Variants in CADPS observed in about 807,000 individuals in gnomAD.
CADPS encodes calcium dependent secretion activator, also known as calcium-dependent secretion activator 1.
Under a neutral mutation model 167.3 loss-of-function variants are expected in CADPS, and 57 were observed. That is an observed-to-expected ratio of 0.34 (90% CI 0.28 to 0.42). The LOEUF (loss-of-function observed/expected upper bound fraction) is 0.42. Ranked by LOEUF, CADPS falls within the 20% of genes least tolerant of loss-of-function variation. The pLI is 1.00. For synonymous variants in CADPS, 676 were observed against 635.3 expected (o/e 1.06, Z -0.96); for missense variants, 1,414 against 1,738.1 (o/e 0.81, Z 3.32).
chr3:62,664,899 G>A (rs574894427), intron 3 of CADPS, among the ~76,000 whole-genome samples: 1 of 152,190 alleles, frequency 6.6e-6, no homozygotes, highest in African/African-American at 2.4e-5. Context: ...TCTACATTAA[G>A]CTTAATTTAT....
At chr3:62,762,431 T>G (rs911450652) in intron 2 of CADPS, among the ~76,000 whole-genome samples, 1 of 151,792 alleles carries the variant, frequency 6.6e-6, no homozygotes, top group Admixed American at 6.6e-5. Context: ...CCAATGCGGG[T>G]GGATCACTTG....
At position 62,768,505 on chromosome 3, in the gene CADPS, G is replaced by A. The variant is rs191984855; in HGVS notation, c.442-2521C>T. On this transcript the variant is annotated intron_variant, in intron 1 of 29. Transcript: ENST00000383710. ...TTGACCCAGGCCAAATCTATTATCTGTCTAACCTTTCCTTAAATAAGCATG... is the reference window on the plus strand; with the variant it reads ...TTGACCCAGGCCAAATCTATTATCTATCTAACCTTTCCTTAAATAAGCATG... Among the ~76,000 whole-genome samples, 264 of 152,250 alleles carry A rather than the reference G, an allele frequency of 1.7e-3. 1 individual carries two copies. The highest frequency in any genetic ancestry group is 3.4e-3 in the Admixed American group (52 of 15,286).
At chr3:62,726,720 A>C (rs534924858) in intron 3 of CADPS, among the ~76,000 whole-genome samples, 1 of 151,968 alleles carries the variant, frequency 6.6e-6, no homozygotes, top group African/African-American at 2.4e-5. Flanking sequence ...AGGAAGCAAA[A>C]ACACTATTTA....
chr3:62,647,476 C>T (rs374981016), intron 5 of CADPS, among the ~76,000 whole-genome samples: 21 of 152,218 alleles, frequency 1.4e-4, no homozygotes, highest in Middle Eastern at 3.4e-3. Flanking sequence ...TGCTGCTGAC[C>T]CAGAAGCCAT....
intron 13 of CADPS, 73 bp from the exon 14 acceptor site, chr3:62,518,323 G>A: frequency 8.9e-7 from 1 of 1,117,414 alleles, no homozygotes; most frequent in South Asian, 1.3e-5. Context: ...TCTAGCAGGA[G>A]GAAACTGTCC....
At chr3:62,417,657 T>C (rs2050414402) in intron 28 of CADPS, among the ~76,000 whole-genome samples, 2 of 151,970 alleles carry the variant, frequency 1.3e-5, no homozygotes, top group South Asian at 4.1e-4. Context: ...TTGAATCTGA[T>C]TTGGAAAAAA....
rs546729773 is a variant in CADPS, at chr3:62,602,597, C to T, written c.1326-9849G>A. Among the ~76,000 whole-genome samples the T allele has an allele frequency of 2.6e-5, 4 of 152,236 alleles. No homozygotes were observed. The Middle Eastern group carries it at 0.01, about 391-fold the overall frequency. On this transcript the variant is annotated intron_variant, in intron 6 of 29. Transcript: ENST00000383710. This position sits in a 1 kb window ranked among gnomAD's most constrained non-coding sequence, Gnocchi z 4.4. The stretch of plus-strand genomic sequence containing the variant: ...TTGTGCCATCGCAGTGTGTCTCATG[C>T]AAACTAATTGATAGGCTGGGCTTTG...
chr3:62,460,440 A>G (rs2059200645), intron 26 of CADPS, among the ~76,000 whole-genome samples: 1 of 152,158 alleles, frequency 6.6e-6, no homozygotes, highest in Non-Finnish European at 1.5e-5. Flanking sequence ...ATCAACCCAC[A>G]CTGTAAAAAG....
intron 1 of CADPS, among the ~76,000 whole-genome samples, chr3:62,873,370 C>T (rs1340357794): frequency 6.6e-6 from 1 of 152,230 alleles, no homozygotes; most frequent in African/African-American, 2.4e-5. Flanking sequence ...AGACACTAGT[C>T]TCACAGTCTT....
At chr3:62,432,470 T>A (rs971143768) in intron 28 of CADPS, among the ~76,000 whole-genome samples, 1 of 152,154 alleles carries the variant, frequency 6.6e-6, no homozygotes, top group Non-Finnish European at 1.5e-5. Flanking sequence ...CTGCTCTACA[T>A]CAAGCAATTC....
intron 1 of CADPS, among the ~76,000 whole-genome samples, chr3:62,855,091 A>ATTTTTTTTTTTTTTTTTTTTTTTTTTTT (rs554197608): frequency 4.3e-5 from 4 of 92,710 alleles, no homozygotes; most frequent in South Asian, 4.9e-4. Context: ...TGCCCGGCTA[A>ATTTTTTTTTTTTTTTTTTTTTTTTTTTT]TTTTTTTTTT....
intron 13 of CADPS, among the ~76,000 whole-genome samples, chr3:62,522,792 G>A (rs2071021042): frequency 2.0e-5 from 3 of 152,086 alleles, no homozygotes; most frequent in Admixed American, 6.6e-5. Flanking sequence ...ACTGCACACT[G>A]GCTAACAACT....
chr3:62,811,242 C>G (rs2094379718), intron 1 of CADPS, among the ~76,000 whole-genome samples: 1 of 152,048 alleles, frequency 6.6e-6, no homozygotes, highest in Admixed American at 6.6e-5. Context: ...TAATTGCTCT[C>G]TCCTCTTTTT....
rs1354364883 is a variant in CADPS, at chr3:62,398,700, T to G, written c.*706A>C. On this transcript the variant is annotated 3_prime_UTR_variant, in exon 30 of 30. Transcript: ENST00000383710. Reference sequence around the variant, plus strand: ...AATAACATTTAAGAGGAGAAAACTTTGACAGAAGACAGTAGTTTTGAACTG... The same window carrying G: ...AATAACATTTAAGAGGAGAAAACTTGGACAGAAGACAGTAGTTTTGAACTG... 1 of 152,438 alleles carries G rather than the reference T, an allele frequency of 6.6e-6. No individual in the cohort carries two copies. Among genetic ancestry groups the G allele is most frequent in the East Asian group, 1.9e-4 (1 of 5,194 alleles). The allele number at this position is 152,438 out of a possible 1,614,324, so 9.4% of individuals were successfully genotyped here. A position where few individuals can be genotyped will look rare whatever the true frequency, so the allele number is the denominator to read the frequency against.
chr3:62,626,323 C>T (rs2600853), intron 6 of CADPS: 58,805 of 452,438 alleles, frequency 0.13, 4,459 homozygotes, highest in Middle Eastern at 0.23. Context: ...ATTCACGTCA[C>T]TTTGCAAGCT....
intron 8 of CADPS, among the ~76,000 whole-genome samples, chr3:62,580,765 T>C (rs889788661): frequency 7.2e-5 from 11 of 152,158 alleles, no homozygotes; most frequent in African/African-American, 2.7e-4. Context: ...TTGCTTAAAG[T>C]AATGAATCTA....
intron 16 of CADPS, chr3:62,513,665 C>A: frequency 1.3e-6 from 2 of 1,593,880 alleles, no homozygotes; most frequent in Non-Finnish European, 1.7e-6. Flanking sequence ...ACTTGGGAGG[C>A]CAAGCAGAAG....
At chr3:62,742,080 A>T (rs964988544) in intron 3 of CADPS, among the ~76,000 whole-genome samples, 1 of 152,176 alleles carries the variant, frequency 6.6e-6, no homozygotes, top group East Asian at 1.9e-4. Context: ...GGGGTGAAAG[A>T]TCTCTACAAG....
chr3:62,800,090 G>C (rs2093673945), intron 1 of CADPS, among the ~76,000 whole-genome samples: 1 of 152,064 alleles, frequency 6.6e-6, no homozygotes, highest in African/African-American at 2.4e-5. Flanking sequence ...GATCTGCCTG[G>C]GCTCCTCCAA....
Sources: gnomAD v4.1 joint callset for allele counts (sites outside exome capture counted in the v4.1 genomes callset) on GRCh38, gnomAD v4.1.1 for gene constraint, Gnocchi (gnomAD v3.1) non-coding constraint, MANE v1.5 for transcripts, NCBI Gene and HGNC (gene_info 2026-07-23, HGNC 2026-07-21) for gene names.